FAM167A: variants seen among roughly 807,000 people sequenced by gnomAD.
FAM167A encodes family with sequence similarity 167 member A.
In FAM167A, 23 loss-of-function variants were observed where a neutral mutation model predicts 14.9. That is an observed-to-expected ratio of 1.55 (90% CI 1.11 to 2.19). FAM167A has a LOEUF of 2.19. FAM167A is among the 30% of genes most tolerant of loss of function. The pLI is 0.00. For missense variants in FAM167A, 401 were observed against 281.5 expected (o/e 1.42, Z -3.04); for synonymous variants, 174 against 117.7 (o/e 1.48, Z -3.10).
chr8:11,445,128 T>G (rs930745062), intron 1 of FAM167A: 3 of 984,934 alleles, frequency 3.0e-6, no homozygotes, highest in African/African-American at 3.5e-5. Flanking sequence ...CCACATATCC[T>G]AGAAGTTAAA....
chr8:11,436,973 C>T (rs1426795194), intron 2 of FAM167A, among the ~76,000 whole-genome samples: 2 of 152,204 alleles, frequency 1.3e-5, no homozygotes, highest in East Asian at 1.9e-4. Context: ...TAGATTCCTG[C>T]CTGCGCCTCC....
At chr8:11,459,018 A>G (rs1028450167) in intron 1 of FAM167A, among the ~76,000 whole-genome samples, 1 of 152,246 alleles carries the variant, frequency 6.6e-6, no homozygotes, top group African/African-American at 2.4e-5. Context: ...TAACCAGTAC[A>G]ACTTCAACAC....
rs117575021 is a variant in FAM167A at position 11,465,304 on chromosome 8, G to C, written c.-398+1322C>G. On this transcript the variant is annotated intron_variant, in intron 1 of 2. Coordinates refer to ENST00000284486, the MANE Select transcript of FAM167A (RefSeq NM_053279.3). ...CCTCAGATTTCCCAAAGCAGCCTTC[G>C]TCTGAGAGCACTGTCCCGGGAGTCA... Among the ~76,000 whole-genome samples, 261 of 152,172 alleles carry C rather than the reference G, an allele frequency of 1.7e-3. 3 individuals are homozygous for C. Among genetic ancestry groups the C allele is most frequent in the African/African-American group, 6.0e-3 (247 of 41,508 alleles).
intron 2 of FAM167A, among the ~76,000 whole-genome samples, chr8:11,431,498 G>T (rs898877255): frequency 2.0e-5 from 3 of 152,308 alleles, no homozygotes; most frequent in Admixed American, 6.5e-5. Flanking sequence ...TATATTTAGT[G>T]AACTGTACAT....
At chr8:11,461,183 C>A (rs571137494) in intron 1 of FAM167A, among the ~76,000 whole-genome samples, 50 of 152,272 alleles carry the variant, frequency 3.3e-4, no homozygotes, top group African/African-American at 1.2e-3. Flanking sequence ...GCTCTTGGGA[C>A]GCCCAGTCGC....
chr8:11,427,990 G>C (rs1337402119), intron 2 of FAM167A, among the ~76,000 whole-genome samples: 1 of 152,154 alleles, frequency 6.6e-6, no homozygotes, highest in East Asian at 1.9e-4. Flanking sequence ...TGAGGAGATG[G>C]GGGTCAAACC....
In FAM167A at chr8:11,424,370, T is replaced by A. The variant is rs1804979367; in HGVS notation, c.*3A>T. On this transcript the variant is annotated 3_prime_UTR_variant, in exon 3 of 3. Transcript: ENST00000284486. The stretch of plus-strand genomic sequence containing the variant: ...CAGCCCCTCCGCCCAGTCTGAGGGC[T>A]CCTCAGCAGAGAGAGAACCTCCGAG... 6.2e-7 allele frequency: 1 copy of A among 1,613,776 alleles called. No individual in the cohort carries two copies. The highest frequency in any genetic ancestry group is 1.3e-5 in the African/African-American group (1 of 74,852).
At chr8:11,473,068 G>A (rs1266464685) in intron 1 of FAM167A, among the ~76,000 whole-genome samples, 1 of 152,208 alleles carries the variant, frequency 6.6e-6, no homozygotes, top group African/African-American at 2.4e-5. Context: ...GGGTGAGGTG[G>A]CCCTTGACCT....
intron 2 of FAM167A, among the ~76,000 whole-genome samples, chr8:11,441,891 G>A (rs1270452485): frequency 1.3e-5 from 2 of 152,192 alleles, no homozygotes; most frequent in African/African-American, 2.4e-5. Context: ...AATCAAACAG[G>A]AAAAGCAGGG....
intron 1 of FAM167A, among the ~76,000 whole-genome samples, chr8:11,456,483 G>C (rs1382094366): frequency 2.2e-5 from 3 of 134,180 alleles, no homozygotes; most frequent in Non-Finnish European, 4.8e-5. Flanking sequence ...CTTGGGGGGT[G>C]GTTGCCCTGA....
chr8:11,460,585 G>T (rs1387034806), intron 1 of FAM167A, among the ~76,000 whole-genome samples: 1 of 152,238 alleles, frequency 6.6e-6, no homozygotes, highest in African/African-American at 2.4e-5. Flanking sequence ...CAGGATAGAA[G>T]CTTCCGTTTC....
intron 2 of FAM167A, among the ~76,000 whole-genome samples, chr8:11,440,150 C>T (rs1230495524): frequency 6.6e-6 from 1 of 152,210 alleles, no homozygotes; most frequent in East Asian, 1.9e-4. Flanking sequence ...CTCCCCTGAG[C>T]CAGTGTCCCA....
At chr8:11,456,319 G>T (rs1807295287) in intron 1 of FAM167A, among the ~76,000 whole-genome samples, 1 of 147,454 alleles carries the variant, frequency 6.8e-6, no homozygotes, top group Non-Finnish European at 1.5e-5. Context: ...GCCCTGCTGG[G>T]TGTGTATGGG....
chr8:11,459,328 T>C (rs200521645), intron 1 of FAM167A, among the ~76,000 whole-genome samples: 3 of 152,308 alleles, frequency 2.0e-5, no homozygotes, highest in South Asian at 2.1e-4. Flanking sequence ...AACTCCACCA[T>C]TGTGACCATC....
chr8:11,472,173 T>C (rs1807979774), upstream of FAM167A, among the ~76,000 whole-genome samples: 2 of 152,214 alleles, frequency 1.3e-5, no homozygotes, highest in African/African-American at 4.8e-5. Flanking sequence ...ATTTGAGCCT[T>C]TCTTGCTGGT....
chr8:11,460,945 A>G (rs1183322975), intron 1 of FAM167A, among the ~76,000 whole-genome samples: 1 of 152,214 alleles, frequency 6.6e-6, no homozygotes, highest in Non-Finnish European at 1.5e-5. Flanking sequence ...TGAATAATTG[A>G]TGGGCTCAGG....
At chr8:11,442,028 A>T (rs1044317871) in intron 2 of FAM167A, among the ~76,000 whole-genome samples, 2 of 152,220 alleles carry the variant, frequency 1.3e-5, no homozygotes, top group Non-Finnish European at 2.9e-5. Context: ...AATATAAAGC[A>T]CTTTTAATAA....
intron 2 of FAM167A, among the ~76,000 whole-genome samples, chr8:11,428,236 C>T (rs545109971): frequency 6.6e-6 from 1 of 152,238 alleles, no homozygotes; most frequent in South Asian, 2.1e-4. Flanking sequence ...CAGGCTGTGG[C>T]GGACACATCT....
At position 11,422,373 on chromosome 8, in the gene FAM167A, G is replaced by GGGTGTGTGGGGGT. The variant is rs878997464; in HGVS notation, c.*1999_*2000insACCCCCACACACC. 1 of 120,196 alleles carries GGGTGTGTGGGGGT rather than the reference G, an allele frequency of 8.3e-6. No homozygotes were observed. The highest frequency in any genetic ancestry group is 1.8e-5 in the Non-Finnish European group (1 of 55,330). 7.4% of individuals were successfully genotyped at this position (120,196 alleles called of 1,614,324 possible). On this transcript the variant is annotated 3_prime_UTR_variant, in exon 3 of 3. Transcript: ENST00000284486. ...TCTCTGTCGTGTGTGTGTGTGTGGG[G>GGGTGTGTGGGGGT]GTGTGTGTGTGTGTGTGTGTGTGTG...
Sources: gnomAD v4.1 joint callset for allele counts (sites outside exome capture counted in the v4.1 genomes callset) on GRCh38, gnomAD v4.1.1 for gene constraint, MANE v1.5 for transcripts, NCBI Gene and HGNC (gene_info 2026-07-23, HGNC 2026-07-21) for gene names.